CATIP: variants seen among roughly 807,000 people sequenced by gnomAD.
CATIP encodes ciliogenesis associated TTC17 interacting protein, also known as ciliogenesis-associated TTC17-interacting protein.
CATIP carries 40 observed loss-of-function variants against 42.5 expected under a neutral mutation model. That is an observed-to-expected ratio of 0.94 (90% CI 0.73 to 1.22). The LOEUF is 1.22. CATIP is among the 50% of genes most tolerant of loss of function. CATIP has a pLI of 0.00. For missense variants in CATIP, 489 were observed against 496.0 expected (o/e 0.99, Z 0.13); for synonymous variants, 222 against 200.2 (o/e 1.11, Z -0.92).
At chr2:218,364,478 G>A (rs1695354501) in intron 6 of CATIP, 150 bp from the exon 7 acceptor site, 2 of 1,125,578 alleles carry the variant, frequency 1.8e-6, no homozygotes, top group African/African-American at 1.6e-5. Flanking sequence ...CTCCCTATGA[G>A]GGGTCGCCAA....
intron 6 of CATIP, among the ~76,000 whole-genome samples, chr2:218,363,620 T>C (rs1263284886): frequency 1.3e-5 from 2 of 151,932 alleles, no homozygotes; most frequent in Non-Finnish European, 2.9e-5. Context: ...CTGGCCAACA[T>C]GGTGAAACCC....
At chr2:218,363,209 G>T (rs767755522) in intron 6 of CATIP, among the ~76,000 whole-genome samples, 7 of 152,066 alleles carry the variant, frequency 4.6e-5, no homozygotes, top group Admixed American at 2.6e-4. Flanking sequence ...GGCCAGGTGT[G>T]GTGGCTCACG....
At chr2:218,363,359 G>A (rs1311793358) in intron 6 of CATIP, among the ~76,000 whole-genome samples, 11 of 151,604 alleles carry the variant, frequency 7.3e-5, no homozygotes, top group Non-Finnish European at 1.6e-4. Context: ...GGTGGCAGGC[G>A]CCTGTAGTCC....
rs963456968 is a variant in CATIP at position 218,364,703 on chromosome 2, G to T, written c.706G>T (p.Ala236Ser). 1 of 1,613,882 alleles carries T rather than the reference G, an allele frequency of 6.2e-7. No homozygotes were observed. The highest frequency in any genetic ancestry group is 8.5e-7 in the Non-Finnish European group (1 of 1,179,920). ...CTTCATCGTGGAGCAGACTGTCCACGCGGAGGAGGGCATCCCCATGTCCTG... is the reference window on the plus strand; with the variant it reads ...CTTCATCGTGGAGCAGACTGTCCACTCGGAGGAGGGCATCCCCATGTCCTG... The part of the protein sequence containing the change: ...EVFIVEQTVH[A>S]EEGIPMSCQY... Residue 236 changes from alanine (A) to serine (S), a missense_variant, in exon 7 of 10, where the codon GCG (alanine) becomes TCG (serine). By Grantham distance (99) the Ala-to-Ser change is moderately conservative. Coordinates refer to ENST00000289388, the MANE Select transcript of CATIP (RefSeq NM_198559.2).
chr2:218,368,004 G>A lies in CATIP; in HGVS notation c.*40G>A, dbSNP rs575065433. The stretch of plus-strand genomic sequence containing the variant: ...CGGACAGGGCAGGAAACCAGGGGTC[G>A]GGCTGGGACGCGGGCGGGACGCGCC... On this transcript the variant is annotated 3_prime_UTR_variant, in exon 10 of 10. Coordinates refer to ENST00000289388, the MANE Select transcript of CATIP (RefSeq NM_198559.2). 60 of 1,472,456 alleles carry A rather than the reference G, an allele frequency of 4.1e-5. No individual in the cohort carries two copies. Among genetic ancestry groups the A allele is most frequent in the Non-Finnish European group, 4.4e-5 (49 of 1,118,512 alleles). 91.2% of individuals were successfully genotyped at this position (1,472,456 alleles called of 1,614,324 possible). A position where few individuals can be genotyped will look rare whatever the true frequency, so the allele number is the denominator to read the frequency against.
rs543727808 is a variant in CATIP at position 218,367,183 on chromosome 2, G to A, written c.832+83G>A. ...GGGCCTTCCAGGATGCAGGGGGCTG[G>A]ACCCAGTGTGCTGTAAACGGGACAG... On this transcript the variant is annotated intron_variant, in intron 8 of 9. Transcript: ENST00000289388. The A allele has an allele frequency of 2.9e-5, 31 of 1,073,270 alleles. No homozygotes were observed. In the East Asian group the frequency reaches 7.3e-4, roughly 25 times the overall value. 66.5% of individuals were successfully genotyped at this position (1,073,270 alleles called of 1,614,324 possible).
intron 4 of CATIP, among the ~76,000 whole-genome samples, chr2:218,359,224 C>T: frequency 6.6e-6 from 1 of 151,738 alleles, no homozygotes; most frequent in East Asian, 1.9e-4. Context: ...CACCTGTAAT[C>T]CCAGCTACAC....
In CATIP at chr2:218,367,359, T is replaced by G; in HGVS notation, c.833-71T>G. ...ACCTGAGCCTTCTGTTTGGGTGTTCTCGGGATCTCGCTGTGTATCCAAGGA... is the reference window on the plus strand; with the variant it reads ...ACCTGAGCCTTCTGTTTGGGTGTTCGCGGGATCTCGCTGTGTATCCAAGGA... On this transcript the variant is annotated intron_variant, in intron 8 of 9. Coordinates refer to ENST00000289388, the MANE Select transcript of CATIP (RefSeq NM_198559.2). 3 of 1,407,260 alleles carry G rather than the reference T, an allele frequency of 2.1e-6. No homozygotes were observed. In the South Asian group the frequency reaches 3.5e-5, roughly 16 times the overall value. The allele number at this position is 1,407,260 out of a possible 1,614,324, so 87.2% of individuals were successfully genotyped here.
At chr2:218,359,819 T>A (rs995265693) in intron 4 of CATIP, among the ~76,000 whole-genome samples, 6 of 144,064 alleles carry the variant, frequency 4.2e-5, no homozygotes, top group Non-Finnish European at 7.7e-5. Context: ...TTTTTTTTTT[T>A]ATTTTATTAT....
chr2:218,358,456 A>G lies in CATIP; in HGVS notation c.375+364A>G, dbSNP rs1375621403. Among the ~76,000 whole-genome samples, 4 of 151,998 alleles carry G rather than the reference A, an allele frequency of 2.6e-5. No homozygotes were observed. In the East Asian group the frequency reaches 7.7e-4, roughly 29 times the overall value. On this transcript the variant is annotated intron_variant, in intron 4 of 9. Transcript: ENST00000289388. ...CACGCCTGTAGTCCCAGCTACTCAGAAGGCTGAGGCAGGAGAATCGCTTGA... is the reference window on the plus strand; with the variant it reads ...CACGCCTGTAGTCCCAGCTACTCAGGAGGCTGAGGCAGGAGAATCGCTTGA...
intron 1 of CATIP, 42 bp from the exon 2 acceptor site, chr2:218,357,053 T>G (rs1313207946): frequency 6.3e-7 from 1 of 1,586,124 alleles, no homozygotes; most frequent in African/African-American, 1.3e-5. Flanking sequence ...CCCCTGCCCT[T>G]CTCCCCAGGG....
chr2:218,364,646 A>G lies in CATIP; in HGVS notation c.649A>G (p.Thr217Ala), dbSNP rs1695361138. ...TTGCCAGCAAAACCTGGGCTTCCAG[A>G]CCATCCAGGTAGACCATCAGCAGGC... ...YLTYQNLGFQ[T>A]IQVDHQQAEV... is the part of the protein sequence containing the mutation. The change falls in exon 7 of 10, where the codon ACC (threonine) becomes GCC (alanine). Residue 217 changes from threonine (T) to alanine (A), a missense_variant. Physicochemically the swap from Thr to Ala is moderately conservative, Grantham distance 58. Coordinates refer to ENST00000289388, the MANE Select transcript of CATIP (RefSeq NM_198559.2). 1 of 1,613,916 alleles carries G rather than the reference A, an allele frequency of 6.2e-7. No homozygotes were observed. Among genetic ancestry groups the G allele is most frequent in the Non-Finnish European group, 8.5e-7 (1 of 1,179,886 alleles).
intron 7 of CATIP, among the ~76,000 whole-genome samples, chr2:218,365,150 C>T (rs561095117): frequency 1.3e-5 from 2 of 152,304 alleles, no homozygotes; most frequent in African/African-American, 4.8e-5. Context: ...CGTGGTGGCT[C>T]ACACCTGTAA....
chr2:218,367,336 C>G (rs1695485143), intron 8 of CATIP, 94 bp from the exon 9 acceptor site: 1 of 1,211,812 alleles, frequency 8.3e-7, no homozygotes, highest in South Asian at 1.2e-5. Flanking sequence ...GGGGTTTCAC[C>G]TGAGCCTTCT....
chr2:218,363,664 C>T (rs1168501022), intron 6 of CATIP, among the ~76,000 whole-genome samples: 2 of 151,052 alleles, frequency 1.3e-5, no homozygotes, highest in Non-Finnish European at 2.9e-5. Flanking sequence ...TTATTAGCTG[C>T]GTGTGGTGGC....
intron 8 of CATIP, 159 bp from the exon 9 acceptor site, chr2:218,367,271 G>GAAAGCA (rs1695482589): frequency 1.3e-6 from 1 of 793,298 alleles, no homozygotes; most frequent in African/African-American, 1.7e-5. Context: ...ATAAGAGGAG[G>GAAAGCA]ATCTTTCCTA....
chr2:218,367,444 C>T lies in CATIP; in HGVS notation c.847C>T (p.Arg283Cys). ...TCCCCACCTAGATGAGATTGAGCCA[C>T]GCCCAGTGTTTGAGAAGAAGCCCCT... ...ILREEDEIEP[R>C]PVFEKKPLVW... The change falls in exon 9 of 10, where the codon CGC (arginine) becomes TGC (cysteine). Residue 283 changes from arginine to cysteine, a missense_variant. Arg to Cys is a radical substitution (Grantham distance 180, BLOSUM62 -3). Transcript: ENST00000289388. The T allele has an allele frequency of 1.2e-6, 2 of 1,614,148 alleles. No homozygotes were observed. Among genetic ancestry groups the T allele is most frequent in the Non-Finnish European group, 8.5e-7 (1 of 1,180,014 alleles).
At chr2:218,367,313 TG>T in intron 8 of CATIP, 116 bp from the exon 9 acceptor site, 1 of 1,005,354 alleles carries the variant, frequency 9.9e-7, no homozygotes, top group Non-Finnish European at 1.5e-6. Flanking sequence ...TCTGCCCATG[TG>T]GGCAGAATCC....
chr2:218,363,507 A>G (rs1342516462), intron 6 of CATIP, among the ~76,000 whole-genome samples: 1 of 148,832 alleles, frequency 6.7e-6, no homozygotes, highest in Non-Finnish European at 1.5e-5. Context: ...ACAAAAAAAA[A>G]AAAACGTCAT....
Sources: allele counts gnomAD v4.1 joint callset (sites outside exome capture counted in the v4.1 genomes callset), GRCh38; gene constraint gnomAD v4.1.1; transcripts MANE v1.5; gene names NCBI Gene and HGNC (gene_info 2026-07-23, HGNC 2026-07-21).